The following KDM4C variants were observed in gnomAD, a reference collection of about 807,000 sequenced individuals.
KDM4C encodes the protein lysine demethylase 4C.
Under a neutral mutation model 129.3 loss-of-function variants are expected in KDM4C, and 81 were observed. The observed-to-expected ratio is 0.63, with a 90% CI of 0.52 to 0.75. The LOEUF is 0.75. Among genes scored for constraint, KDM4C ranks in the 30% least tolerant of loss-of-function variants. The pLI, the probability that KDM4C is intolerant of heterozygous loss-of-function variation, is 0.00. For synonymous variants in KDM4C, 573 were observed against 456.1 expected (o/e 1.26, Z -3.26); for missense variants, 1,457 against 1,304.0 (o/e 1.12, Z -1.81).
At chr9:6,824,969 C>T (rs1042751080) in intron 4 of KDM4C, among the ~76,000 whole-genome samples, 2 of 151,752 alleles carry the variant, frequency 1.3e-5, no homozygotes, top group East Asian at 3.9e-4. Flanking sequence ...CATGGTGAAA[C>T]CCCATCTCTA....
Position 7,145,591 on chromosome 9 carries a change from C to A in KDM4C, c.2781+17355C>A, listed in dbSNP as rs75238819. Among the ~76,000 whole-genome samples the A allele has an allele frequency of 2.4e-4, 37 of 152,354 alleles. No individual in the cohort carries two copies. In the East Asian group the frequency reaches 6.2e-3, roughly 25 times the overall value. On this transcript the variant is annotated intron_variant, in intron 19 of 21. Coordinates refer to ENST00000381309, the MANE Select transcript of KDM4C (RefSeq NM_015061.6). Reference sequence around the variant, plus strand: ...AGGAGTTTTCAGATCCATTCTGGAACGCTGCAAATGACAGGAGCTCACTCT... The same window carrying A: ...AGGAGTTTTCAGATCCATTCTGGAAAGCTGCAAATGACAGGAGCTCACTCT...
At chr9:7,159,280 T>C (rs1211057566) in intron 19 of KDM4C, among the ~76,000 whole-genome samples, 3 of 152,234 alleles carry the variant, frequency 2.0e-5, no homozygotes, top group Admixed American at 6.5e-5. Flanking sequence ...CTTGATTCTT[T>C]ATCCAGTTTG....
At chr9:6,746,269 T>A (rs994752598) in intron 1 of KDM4C, among the ~76,000 whole-genome samples, 6 of 134,264 alleles carry the variant, frequency 4.5e-5, no homozygotes, top group African/African-American at 1.7e-4. Flanking sequence ...TATGTTTTTT[T>A]TTTTTTTTTT....
chr9:6,809,418 C>G (rs147851675), intron 3 of KDM4C, among the ~76,000 whole-genome samples: 102 of 152,332 alleles, frequency 6.7e-4, no homozygotes, highest in African/African-American at 2.4e-3. Flanking sequence ...TCCAGTGTCT[C>G]TCTTAAAGTG....
At chr9:6,967,037 C>G (rs925192619) in intron 8 of KDM4C, among the ~76,000 whole-genome samples, 9 of 152,140 alleles carry the variant, frequency 5.9e-5, no homozygotes, top group African/African-American at 2.2e-4. Flanking sequence ...CAAAACGTGT[C>G]TGATAAGGAC....
At chr9:6,912,809 A>G (rs1284005024) in intron 8 of KDM4C, among the ~76,000 whole-genome samples, 1 of 152,260 alleles carries the variant, frequency 6.6e-6, no homozygotes, top group South Asian at 2.1e-4. Flanking sequence ...GGTATTCCCT[A>G]TGTGTTACCA....
chr9:7,047,492 G>T (rs1312873440), intron 16 of KDM4C, among the ~76,000 whole-genome samples: 2 of 151,918 alleles, frequency 1.3e-5, no homozygotes, highest in Admixed American at 1.3e-4. Context: ...AGGCAGTCTA[G>T]TTTTTATGAC....
intron 1 of KDM4C, among the ~76,000 whole-genome samples, chr9:6,787,325 G>T (rs1044602230): frequency 3.3e-5 from 5 of 152,140 alleles, no homozygotes; most frequent in African/African-American, 1.2e-4. Flanking sequence ...CTCCGCCCCC[G>T]GGGTTCAAGT....
chr9:6,803,707 A>T (rs969619551), intron 2 of KDM4C, among the ~76,000 whole-genome samples: 1 of 151,910 alleles, frequency 6.6e-6, no homozygotes, highest in East Asian at 1.9e-4. Flanking sequence ...CAGGAATTTG[A>T]GACCAGCCTG....
chr9:6,947,329 A>G (rs919477336), intron 8 of KDM4C, among the ~76,000 whole-genome samples: 1 of 152,156 alleles, frequency 6.6e-6, no homozygotes, highest in East Asian at 1.9e-4. Flanking sequence ...AACATTTCTC[A>G]TCTTTAGTAG....
At chr9:7,076,782 T>G (rs1833970901) in intron 17 of KDM4C, 1 of 1,069,942 alleles carries the variant, frequency 9.3e-7, no homozygotes, top group Non-Finnish European at 1.1e-6. Flanking sequence ...AGTTTCCCTT[T>G]CCCTTTGTGA....
chr9:7,111,016 C>T (rs1262426885), intron 18 of KDM4C, among the ~76,000 whole-genome samples: 3 of 152,158 alleles, frequency 2.0e-5, no homozygotes, highest in African/African-American at 7.2e-5. Flanking sequence ...ATGAAGCATC[C>T]TGGAAGTAAA....
At chr9:7,141,140 G>A (rs537548442) in intron 19 of KDM4C, among the ~76,000 whole-genome samples, 1 of 152,280 alleles carries the variant, frequency 6.6e-6, no homozygotes, top group South Asian at 2.1e-4. Context: ...TTATGAAGTA[G>A]GTTTTTTTTG....
rs1359249525 is a variant in KDM4C, at chr9:6,758,666, G to A, written c.-18+463G>A. On this transcript the variant is annotated intron_variant, in intron 1 of 21. Coordinates refer to ENST00000381309, the MANE Select transcript of KDM4C (RefSeq NM_015061.6). The surrounding 1 kb of genome is among the most constrained non-coding windows in gnomAD (Gnocchi z 4.6). ...GTGGGAGCTCCTCTCCTGACCACCCGTTGCAGGCAGTCATCCCGTCATTCG... is the reference window on the plus strand; with the variant it reads ...GTGGGAGCTCCTCTCCTGACCACCCATTGCAGGCAGTCATCCCGTCATTCG... 1.3e-5 allele frequency among the ~76,000 whole-genome samples: 2 copies of A among 152,230 alleles called. No homozygotes were observed. The highest frequency in any genetic ancestry group is 2.9e-5 in the Non-Finnish European group (2 of 68,028).
At chr9:6,728,100 A>T (rs1174303639) in intron 1 of KDM4C, among the ~76,000 whole-genome samples, 1 of 143,056 alleles carries the variant, frequency 7.0e-6, no homozygotes, top group African/African-American at 2.6e-5. Context: ...AAAAAGTGTT[A>T]TACACTTGTA....
chr9:7,106,213 T>A (rs1373861695), intron 18 of KDM4C, among the ~76,000 whole-genome samples: 1 of 152,216 alleles, frequency 6.6e-6, no homozygotes, highest in Non-Finnish European at 1.5e-5. Context: ...AACATTGTGA[T>A]TTGCCCCTAT....
At chr9:6,958,414 G>A (rs981239951) in intron 8 of KDM4C, among the ~76,000 whole-genome samples, 1 of 151,908 alleles carries the variant, frequency 6.6e-6, no homozygotes, top group Non-Finnish European at 1.5e-5. Context: ...GTGAAACCCT[G>A]TCTCTACTAA....
intron 12 of KDM4C, 95 bp from the exon 13 acceptor site, chr9:7,011,603 C>G (rs747785644): frequency 2.6e-5 from 30 of 1,165,382 alleles, no homozygotes; most frequent in Non-Finnish European, 3.7e-5. Context: ...GCCTTAATAT[C>G]ACAGATTCTG....
intron 8 of KDM4C, among the ~76,000 whole-genome samples, chr9:6,912,219 T>G (rs985994050): frequency 1.3e-5 from 2 of 152,176 alleles, no homozygotes; most frequent in African/African-American, 4.8e-5. Flanking sequence ...CTTCTCTGCA[T>G]TCTCCTTTAG....
Sources: allele counts gnomAD v4.1 joint callset (sites outside exome capture counted in the v4.1 genomes callset), GRCh38; gene constraint gnomAD v4.1.1; non-coding constraint Gnocchi (gnomAD v3.1); transcripts MANE v1.5; gene names NCBI Gene and HGNC (gene_info 2026-07-23, HGNC 2026-07-21).